CACNA1B: variants seen among roughly 807,000 people sequenced by gnomAD.
The protein encoded by CACNA1B is calcium voltage-gated channel subunit alpha1 B, also known as voltage-dependent N-type calcium channel subunit alpha-1B.
In CACNA1B, 70 loss-of-function variants were observed where a neutral mutation model predicts 247.2. The ratio of observed to expected loss-of-function variants is 0.28; its 90% CI spans 0.23 to 0.35. The LOEUF is 0.35. Among genes scored for constraint, CACNA1B ranks in the 10% least tolerant of loss-of-function variants. The pLI, the probability that CACNA1B is intolerant of heterozygous loss-of-function variation, is 1.00. For synonymous variants in CACNA1B, 1,231 were observed against 1,294.4 expected, an observed-to-expected ratio of 0.95 and a Z score of 1.05; for missense variants, 2,367 against 3,197.4, an observed-to-expected ratio of 0.74 and a Z score of 6.26.
chr9:138,008,393 G>C (rs1191796243), intron 16 of CACNA1B, among the ~76,000 whole-genome samples: 1 of 152,226 alleles, frequency 6.6e-6, no homozygotes, highest in African/African-American at 2.4e-5. Context: ...CATGGCCCTT[G>C]GTCCTGCTTT....
At chr9:138,037,045 C>T (rs1403124526) in intron 20 of CACNA1B, among the ~76,000 whole-genome samples, 5 of 152,170 alleles carry the variant, frequency 3.3e-5, no homozygotes, top group Non-Finnish European at 4.4e-5. Context: ...CTGTCTAAGT[C>T]TCTTTTACTT....
At chr9:138,112,641 C>G (rs2131363271) in intron 40 of CACNA1B, 136 bp downstream of exon 40, 2 of 644,838 alleles carry the variant, frequency 3.1e-6, no homozygotes, top group South Asian at 3.6e-5. Context: ...CCTCATGAAT[C>G]TGCCCTCAGC....
chr9:137,893,134 C>T (rs1434969713), intron 3 of CACNA1B, among the ~76,000 whole-genome samples: 1 of 151,890 alleles, frequency 6.6e-6, no homozygotes, highest in African/African-American at 2.4e-5. Flanking sequence ...AGCCTGGGAC[C>T]GTGGGCATGT....
intron 20 of CACNA1B, among the ~76,000 whole-genome samples, chr9:138,027,366 A>G (rs977427723): frequency 6.6e-6 from 1 of 152,154 alleles, no homozygotes. Flanking sequence ...CTGAATCCTC[A>G]AATTGTTTAT....
Position 138,052,255 on chromosome 9 carries a change from T to A in CACNA1B, c.3807+67T>A. ...GTGTGCGTGTGTGTGTGTGCGTGTGTGTGTGTGTATGCATGCAGTGCATGA... is the reference window on the plus strand; with the variant it reads ...GTGTGCGTGTGTGTGTGTGCGTGTGAGTGTGTGTATGCATGCAGTGCATGA... On this transcript the variant is annotated intron_variant, in intron 25 of 46. Transcript: ENST00000371372. The surrounding 1 kb of genome is among the most constrained non-coding windows in gnomAD (Gnocchi z 5.1). 1 of 829,554 alleles carries A rather than the reference T, an allele frequency of 1.2e-6. No individual in the cohort carries two copies. The highest frequency in any genetic ancestry group is 2.0e-6 in the Non-Finnish European group (1 of 498,794). The allele number at this position is 829,554 out of a possible 1,614,324, so 51.4% of individuals were successfully genotyped here.
At chr9:138,024,742 C>T (rs895761184) in intron 19 of CACNA1B, among the ~76,000 whole-genome samples, 5 of 152,192 alleles carry the variant, frequency 3.3e-5, no homozygotes, top group African/African-American at 1.2e-4. Context: ...GATCCTCCCA[C>T]CTCAGCCTTC....
intron 37 of CACNA1B, among the ~76,000 whole-genome samples, chr9:138,098,863 G>A (rs1961146615): frequency 6.6e-6 from 1 of 152,170 alleles, no homozygotes; most frequent in African/African-American, 2.4e-5. Context: ...CTGCCCCCAC[G>A]AGCAGCCTGG....
intron 44 of CACNA1B, among the ~76,000 whole-genome samples, chr9:138,119,632 C>T (rs1035583346): frequency 6.6e-6 from 1 of 152,206 alleles, no homozygotes; most frequent in South Asian, 2.1e-4. Context: ...CCTGTCCTTC[C>T]TCTCTTGTCT....
chr9:137,979,631 T>C lies in CACNA1B; in HGVS notation c.1656+3612T>C, dbSNP rs1274211191. 2.0e-5 allele frequency among the ~76,000 whole-genome samples: 3 copies of C among 152,090 alleles called. No individual in the cohort carries two copies. The East Asian group carries it at 5.8e-4, about 29-fold the overall frequency. On this transcript the variant is annotated intron_variant, in intron 12 of 46. Coordinates refer to ENST00000371372, the MANE Select transcript of CACNA1B (RefSeq NM_000718.4). ...TGCTTGCCACAGCCTGCCCTCTGGC[T>C]CTCAGTAACTCATATCCTTCCCATT... is the stretch of plus-strand genomic sequence containing the variant.
chr9:137,956,127 C>G (rs993731637), intron 8 of CACNA1B, among the ~76,000 whole-genome samples: 7 of 152,184 alleles, frequency 4.6e-5, no homozygotes, highest in Middle Eastern at 3.2e-3. Context: ...GCCTGGACTC[C>G]CTCCCCTCGC....
chr9:138,040,082 C>T (rs928112368), intron 20 of CACNA1B, among the ~76,000 whole-genome samples: 13 of 152,036 alleles, frequency 8.6e-5, no homozygotes, highest in African/African-American at 2.2e-4. Flanking sequence ...GGACCACAGG[C>T]GCACACCACC....
At chr9:138,106,370 C>G (rs945510526) in intron 39 of CACNA1B, among the ~76,000 whole-genome samples, 7 of 152,132 alleles carry the variant, frequency 4.6e-5, no homozygotes, top group South Asian at 2.1e-4. Context: ...TGCCAAGCCT[C>G]ACTTACGTCT....
At chr9:138,093,068 G>C (rs2131338168) in intron 36 of CACNA1B, among the ~76,000 whole-genome samples, 1 of 152,104 alleles carries the variant, frequency 6.6e-6, no homozygotes, top group Non-Finnish European at 1.5e-5. Context: ...AAACCACAGT[G>C]AAATACCACT....
chr9:137,888,459 C>T lies in CACNA1B; in HGVS notation c.530+5576C>T, dbSNP rs1202877257. Reference sequence around the variant, plus strand: ...GCCCCCAGAACCCCAAAGCCCTGCGCGTCCCCACCCCTGTTGTGGCTCCAG... The same window carrying T: ...GCCCCCAGAACCCCAAAGCCCTGCGTGTCCCCACCCCTGTTGTGGCTCCAG... On this transcript the variant is annotated intron_variant, in intron 3 of 46. Coordinates refer to ENST00000371372, the MANE Select transcript of CACNA1B (RefSeq NM_000718.4). The surrounding 1 kb of genome is among the most constrained non-coding windows in gnomAD (Gnocchi z 4.7). Among the ~76,000 whole-genome samples, 18 of 152,232 alleles carry T rather than the reference C, an allele frequency of 1.2e-4. No homozygotes were observed. Among genetic ancestry groups the T allele is most frequent in the African/African-American group, 4.1e-4 (17 of 41,456 alleles).
In CACNA1B at chr9:138,073,704, G is replaced by A; in HGVS notation, c.4791+100G>A. 1.3e-6 allele frequency: 1 copy of A among 751,752 alleles called. No individual in the cohort carries two copies. The highest frequency in any genetic ancestry group is 2.4e-6 in the Non-Finnish European group (1 of 422,564). 46.6% of individuals were successfully genotyped at this position (751,752 alleles called of 1,614,324 possible). On this transcript the variant is annotated intron_variant, in intron 33 of 46. Transcript: ENST00000371372. The surrounding 1 kb of genome is among the most constrained non-coding windows in gnomAD (Gnocchi z 6.4). ...CCCCTCCTTTGGGAGGCTGGGAGAG[G>A]GTATGGCATGCAGGTTTCGTGGTTG...
chr9:137,904,005 C>A (rs1273223262), intron 3 of CACNA1B, among the ~76,000 whole-genome samples: 1 of 152,158 alleles, frequency 6.6e-6, no homozygotes, highest in African/African-American at 2.4e-5. Flanking sequence ...TGGGCTTGGA[C>A]CGAAGTTTTG....
chr9:138,108,556 T>C (rs1961515640), intron 39 of CACNA1B, among the ~76,000 whole-genome samples: 1 of 152,134 alleles, frequency 6.6e-6, no homozygotes, highest in Non-Finnish European at 1.5e-5. Flanking sequence ...ATACCAAAAC[T>C]AGACAAAGAC....
Position 137,986,952 on chromosome 9 carries a change from C to T in CACNA1B, c.1974+98C>T. The T allele has an allele frequency of 1.1e-6, 1 of 899,486 alleles. No individual in the cohort carries two copies. Among genetic ancestry groups the T allele is most frequent in the Non-Finnish European group, 1.9e-6 (1 of 536,806 alleles). 55.7% of individuals were successfully genotyped at this position (899,486 alleles called of 1,614,324 possible). On this transcript the variant is annotated intron_variant, in intron 15 of 46. Transcript: ENST00000371372. The surrounding 1 kb of genome is among the most constrained non-coding windows in gnomAD (Gnocchi z 6.0). ...TCCTGTCATTCCCTCCCTTGTTCCTCCACACGGCCCAGATCACTGACTTTT... is the reference window on the plus strand; with the variant it reads ...TCCTGTCATTCCCTCCCTTGTTCCTTCACACGGCCCAGATCACTGACTTTT...
At chr9:138,062,244 T>G (rs994472070) in intron 31 of CACNA1B, among the ~76,000 whole-genome samples, 4 of 152,194 alleles carry the variant, frequency 2.6e-5, no homozygotes, top group African/African-American at 9.7e-5. Context: ...CCCAGGGCTC[T>G]GCTCCACCTC....
Sources: gnomAD v4.1 joint callset for allele counts (sites outside exome capture counted in the v4.1 genomes callset) on GRCh38, gnomAD v4.1.1 for gene constraint, Gnocchi (gnomAD v3.1) non-coding constraint, MANE v1.5 for transcripts, NCBI Gene and HGNC (gene_info 2026-07-23, HGNC 2026-07-21) for gene names.